Variants in KREMEN1 observed in about 807,000 individuals in gnomAD.
KREMEN1 encodes the protein kringle containing transmembrane protein 1, also known as kremen protein 1.
Under a neutral mutation model 46.5 loss-of-function variants are expected in KREMEN1, and 30 were observed. The observed-to-expected ratio is 0.65, with a 90% CI of 0.48 to 0.88. The LOEUF (loss-of-function observed/expected upper bound fraction) is 0.88, where lower values mean the gene tolerates loss of function less well. Ranked by LOEUF, KREMEN1 falls within the 40% of genes least tolerant of loss-of-function variation. KREMEN1 has a pLI of 0.00. For synonymous variants in KREMEN1, 214 were observed against 230.6 expected (o/e 0.93, Z 0.65); for missense variants, 533 against 596.9 (o/e 0.89, Z 1.11).
chr22:29,153,439 C>T (rs2056753848), intron 9 of KREMEN1, among the ~76,000 whole-genome samples: 1 of 152,168 alleles, frequency 6.6e-6, no homozygotes, highest in African/African-American at 2.4e-5. Flanking sequence ...GCCTCACTCT[C>T]CTGGGTTTGA....
rs2038805504 is a variant in KREMEN1, at chr22:29,143,635, G to A, written c.*1523G>A. On this transcript the variant is annotated 3_prime_UTR_variant, in exon 9 of 9. Coordinates refer to ENST00000400335, the MANE Select transcript of KREMEN1 (RefSeq NM_001039570.3). ...TGGGCGCCTGTAGTCCCAGCTGCTCGGGAGGCTGAGGCAGGAGAATGGCGT... is the reference window on the plus strand; with the variant it reads ...TGGGCGCCTGTAGTCCCAGCTGCTCAGGAGGCTGAGGCAGGAGAATGGCGT... 3 of 690,990 alleles carry A rather than the reference G, an allele frequency of 4.3e-6. No individual in the cohort carries two copies. Among genetic ancestry groups the A allele is most frequent in the South Asian group, 6.5e-5 (1 of 15,424 alleles). 42.8% of individuals were successfully genotyped at this position (690,990 alleles called of 1,614,324 possible).
intron 5 of KREMEN1, among the ~76,000 whole-genome samples, chr22:29,131,992 C>A (rs978098018): frequency 6.7e-6 from 1 of 149,362 alleles, no homozygotes; most frequent in African/African-American, 2.5e-5. Flanking sequence ...CCTGCCTCAG[C>A]CTCCGGAGTA....
chr22:29,078,241 G>C (rs574218731), intron 1 of KREMEN1, among the ~76,000 whole-genome samples: 1 of 152,294 alleles, frequency 6.6e-6, no homozygotes, highest in South Asian at 2.1e-4. Flanking sequence ...CTGGGCAACA[G>C]AGCAAGACCC....
chr22:29,167,937 G>C (rs536969024), exon 10 of KREMEN1: 6 of 152,394 alleles, frequency 3.9e-5, no homozygotes, highest in Admixed American at 3.9e-4. Flanking sequence ...AGGATGACGG[G>C]TGATGCTAGA....
intron 4 of KREMEN1, 126 bp from the exon 5 acceptor site, chr22:29,125,137 T>G (rs1601793754): frequency 2.1e-6 from 2 of 956,930 alleles, no homozygotes; most frequent in Non-Finnish European, 1.6e-6. Flanking sequence ...AAGGGGGAGG[T>G]CCCAGGGGAA....
intron 4 of KREMEN1, among the ~76,000 whole-genome samples, chr22:29,124,378 G>T (rs73882471): frequency 1.3e-5 from 2 of 152,116 alleles, no homozygotes; most frequent in Non-Finnish European, 2.9e-5. Flanking sequence ...AGGAAAATGC[G>T]TCAGTGGTTG....
Position 29,158,291 on chromosome 22 carries a change from C to A in KREMEN1, c.1417-8753C>A, listed in dbSNP as rs147490128. 1.4e-4 allele frequency among the ~76,000 whole-genome samples: 22 copies of A among 152,268 alleles called. No individual in the cohort carries two copies. In the East Asian group the frequency reaches 4.2e-3, roughly 29 times the overall value. On this transcript the variant is annotated intron_variant, in intron 9 of 9. Coordinates refer to the KREMEN1 transcript ENST00000327813. ...ATGATGCCGGAGCAAGAGACAGAGTCCCCCAGATGAATGTCAAGGGAAACC... is the reference window on the plus strand; with the variant it reads ...ATGATGCCGGAGCAAGAGACAGAGTACCCCAGATGAATGTCAAGGGAAACC...
At chr22:29,136,472 G>C (rs2038659223) in intron 5 of KREMEN1, among the ~76,000 whole-genome samples, 2 of 151,706 alleles carry the variant, frequency 1.3e-5, no homozygotes, top group South Asian at 4.2e-4. Flanking sequence ...TACTCGGAAG[G>C]CTGAGACAGG....
At chr22:29,125,028 A>G (rs2038418162) in intron 4 of KREMEN1, among the ~76,000 whole-genome samples, 1 of 152,218 alleles carries the variant, frequency 6.6e-6, no homozygotes, top group Non-Finnish European at 1.5e-5. Flanking sequence ...AGTGCAGTAG[A>G]AACACAAACA....
At chr22:29,076,405 G>A (rs1291115978) in intron 1 of KREMEN1, among the ~76,000 whole-genome samples, 1 of 152,158 alleles carries the variant, frequency 6.6e-6, no homozygotes, top group East Asian at 1.9e-4. Flanking sequence ...AGAATTACCT[G>A]TAAGCGACAT....
intron 3 of KREMEN1, among the ~76,000 whole-genome samples, chr22:29,104,219 G>A (rs2038016213): frequency 6.7e-6 from 1 of 149,944 alleles, no homozygotes; most frequent in African/African-American, 2.5e-5. Flanking sequence ...GTGCAGTGGC[G>A]AAATTTTGGC....
chr22:29,166,960 A>G (rs2039057881), intron 9 of KREMEN1: 1 of 1,085,526 alleles, frequency 9.2e-7, no homozygotes, highest in Non-Finnish European at 1.4e-6. Flanking sequence ...GACCAAAATC[A>G]GTCAAATGCT....
Position 29,144,132 on chromosome 22 carries a change from C to G in KREMEN1, c.*2020C>G. Reference sequence around the variant, plus strand: ...GTGCCTCTCCACAAGGCACTTGGGCCTGGGTGATTGTTGCGCCTCTGGCTT... The same window carrying G: ...GTGCCTCTCCACAAGGCACTTGGGCGTGGGTGATTGTTGCGCCTCTGGCTT... On this transcript the variant is annotated 3_prime_UTR_variant, in exon 9 of 9. Transcript: ENST00000400335. The G allele has an allele frequency of 1.0e-6, 1 of 985,598 alleles. No homozygotes were observed. 61.1% of individuals were successfully genotyped at this position (985,598 alleles called of 1,614,324 possible). A position where few individuals can be genotyped will look rare whatever the true frequency, so the allele number is the denominator to read the frequency against.
At chr22:29,104,304 A>T (rs888505019) in intron 3 of KREMEN1, among the ~76,000 whole-genome samples, 3 of 152,128 alleles carry the variant, frequency 2.0e-5, no homozygotes, top group African/African-American at 7.2e-5. Flanking sequence ...CTACAGGCAC[A>T]TGCCATCACA....
At chr22:29,097,234 G>A (rs1438462926) in intron 2 of KREMEN1, among the ~76,000 whole-genome samples, 1 of 152,162 alleles carries the variant, frequency 6.6e-6, no homozygotes, top group Non-Finnish European at 1.5e-5. Flanking sequence ...AAATAAAAGG[G>A]GCTTGGAAAG....
rs1290213953 is a variant in KREMEN1 at position 29,131,738 on chromosome 22, GTA to G, written c.632-5596_632-5595del. On this transcript the variant is annotated intron_variant, in intron 5 of 8. Coordinates refer to ENST00000400335, the MANE Select transcript of KREMEN1 (RefSeq NM_001039570.3). ...TATATGTATATATATGTATATATGTGTATATATATGTATATATGTATATATAT... is the reference window on the plus strand; with the variant it reads ...TATATGTATATATATGTATATATGTGTATATATGTATATATGTATATATAT... Among the ~76,000 whole-genome samples, 5 of 131,974 alleles carry G rather than the reference GTA, an allele frequency of 3.8e-5. 1 individual carries two copies. The highest frequency in any genetic ancestry group is 2.3e-4 in the South Asian group (1 of 4,272). 86.6% of individuals were successfully genotyped at this position (131,974 alleles called of 152,430 possible). A position where few individuals can be genotyped will look rare whatever the true frequency, so the allele number is the denominator to read the frequency against.
rs533055079 is a variant in KREMEN1, at chr22:29,158,354, C to T, written c.1417-8690C>T. Among the ~76,000 whole-genome samples the T allele has an allele frequency of 5.9e-5, 9 of 152,302 alleles. No individual in the cohort carries two copies. In the East Asian group the frequency reaches 1.5e-3, roughly 26 times the overall value. On this transcript the variant is annotated intron_variant, in intron 9 of 9. Transcript: ENST00000327813. ...AGACATCAAGGGGAGGCCACGCCAG[C>T]CAAGATTCCTGGCTCACTTTGCAGA...
chr22:29,094,169 G>T, intron 1 of KREMEN1, 89 bp from the exon 2 acceptor site: 1 of 1,142,436 alleles, frequency 8.8e-7, no homozygotes, highest in South Asian at 1.5e-5. Context: ...TTCCAGCTTG[G>T]TCCAAACAAA....
intron 3 of KREMEN1, chr22:29,099,184 C>A: frequency 2.3e-6 from 1 of 436,604 alleles, no homozygotes; most frequent in Non-Finnish European, 4.1e-6. Flanking sequence ...GATGGGTAAG[C>A]CCCATGAGAA....
Sources: allele counts gnomAD v4.1 joint callset (sites outside exome capture counted in the v4.1 genomes callset), GRCh38; gene constraint gnomAD v4.1.1; transcripts MANE v1.5; gene names NCBI Gene and HGNC (gene_info 2026-07-23, HGNC 2026-07-21).